The following ACSF2 variants were observed in gnomAD, a reference collection of about 807,000 sequenced individuals.
ACSF2 encodes acyl-CoA synthetase family member 2, also known as medium-chain acyl-CoA ligase ACSF2, mitochondrial.
Under a neutral mutation model 79.3 loss-of-function variants are expected in ACSF2, and 52 were observed. That is an observed-to-expected ratio of 0.66 (90% CI 0.53 to 0.83). The LOEUF (loss-of-function observed/expected upper bound fraction) is 0.83, where lower values mean the gene tolerates loss of function less well. ACSF2 is among the 40% of genes least tolerant of loss of function. The pLI, the probability that ACSF2 is intolerant of heterozygous loss-of-function variation, is 0.00. For synonymous variants in ACSF2, 283 were observed against 312.6 expected, an observed-to-expected ratio of 0.91 and a Z score of 1.00; for missense variants, 661 against 803.3, an observed-to-expected ratio of 0.82 and a Z score of 2.14.
intron 1 of ACSF2, among the ~76,000 whole-genome samples, chr17:50,435,007 A>G (rs1274755480): frequency 6.6e-6 from 1 of 152,068 alleles, no homozygotes; most frequent in East Asian, 1.9e-4. Flanking sequence ...AGTAGCTGGG[A>G]TTACCCGCAT....
intron 1 of ACSF2, 122 bp downstream of exon 1, chr17:50,426,511 C>T: frequency 8.6e-7 from 1 of 1,162,054 alleles, no homozygotes; most frequent in Non-Finnish European, 1.1e-6. Flanking sequence ...GGTACCCGCC[C>T]CTCCCCCGCC....
chr17:50,457,594 C>T (rs2032089967), intron 1 of ACSF2, among the ~76,000 whole-genome samples: 1 of 151,916 alleles, frequency 6.6e-6, no homozygotes. Context: ...GGAAAGAAAC[C>T]CCACTTCTGT....
At chr17:50,435,424 T>G (rs971843477) in intron 1 of ACSF2, among the ~76,000 whole-genome samples, 2 of 152,092 alleles carry the variant, frequency 1.3e-5, no homozygotes, top group Non-Finnish European at 2.9e-5. Context: ...TTTTTTTTAA[T>G]TTTTTGAGAA....
At chr17:50,444,636 A>AACACACACACACAC (rs72392656) in intron 1 of ACSF2, among the ~76,000 whole-genome samples, 6 of 148,078 alleles carry the variant, frequency 4.1e-5, no homozygotes, top group African/African-American at 1.5e-4. Context: ...TCTCTCTGCA[A>AACACACACACACAC]ACACACACAC....
intron 1 of ACSF2, among the ~76,000 whole-genome samples, chr17:50,451,741 C>T (rs758623945): frequency 3.0e-4 from 46 of 152,336 alleles, no homozygotes; most frequent in African/African-American, 4.1e-4. Context: ...TGAGCCACCG[C>T]GCCCAGCCCT....
At chr17:50,462,732 T>TATC (rs1226341154) in intron 6 of ACSF2, 147 bp downstream of exon 6, 1 of 914,812 alleles carries the variant, frequency 1.1e-6, no homozygotes, top group African/African-American at 1.7e-5. Flanking sequence ...CCCTGGAAAA[T>TATC]ATCAGCACCT....
Position 50,463,028 on chromosome 17 carries a change from A to C in ACSF2, c.793-128A>C. 1 of 779,102 alleles carries C rather than the reference A, an allele frequency of 1.3e-6. No individual in the cohort carries two copies. The highest frequency in any genetic ancestry group is 2.4e-5 in the East Asian group (1 of 40,972). 48.3% of individuals were successfully genotyped at this position (779,102 alleles called of 1,614,324 possible). On this transcript the variant is annotated intron_variant, in intron 6 of 15. Coordinates refer to ENST00000300441, the MANE Select transcript of ACSF2 (RefSeq NM_025149.6). The surrounding 1 kb of genome is among the most constrained non-coding windows in gnomAD (Gnocchi z 4.6). Reference sequence around the variant, plus strand: ...ATCGTGGTAGACCTTTTGCAAATATACTGAACAGATGGATCTGGGGCAACA... The same window carrying C: ...ATCGTGGTAGACCTTTTGCAAATATCCTGAACAGATGGATCTGGGGCAACA...
intron 10 of ACSF2, among the ~76,000 whole-genome samples, chr17:50,466,809 CCCTGCCCCAAA>C (rs1445269325): frequency 6.6e-6 from 1 of 152,226 alleles, no homozygotes; most frequent in Admixed American, 6.5e-5. Context: ...GTCTGGCCTC[CCCTGCCCCAAA>C]CCAGCCCCTA....
chr17:50,458,624 C>T (rs1300588591), intron 1 of ACSF2, among the ~76,000 whole-genome samples: 1 of 152,334 alleles, frequency 6.6e-6, no homozygotes, highest in Admixed American at 6.5e-5. Flanking sequence ...TCCTGTCTTT[C>T]CCACCAGACC....
At chr17:50,432,904 C>G (rs1054597935) in intron 1 of ACSF2, among the ~76,000 whole-genome samples, 3 of 152,114 alleles carry the variant, frequency 2.0e-5, no homozygotes, top group Non-Finnish European at 1.5e-5. Flanking sequence ...GGAGTTTGAG[C>G]CTGATCCCTA....
In ACSF2 at chr17:50,458,003, G is replaced by C. The variant is rs372609979; in HGVS notation, c.129-2674G>C. ...ATGAGTAGGCATTGCAGGGGCCCAG[G>C]AATTTGCATTCTTTGTGAGATCCTG... On this transcript the variant is annotated intron_variant, in intron 1 of 15. Transcript: ENST00000300441. Among the ~76,000 whole-genome samples the C allele has an allele frequency of 2.6e-3, 394 of 152,276 alleles. 1 individual carries two copies. The highest frequency in any genetic ancestry group is 9.2e-3 in the African/African-American group (383 of 41,542).
At position 50,441,026 on chromosome 17, in the gene ACSF2, G is replaced by A. The variant is rs555206768; in HGVS notation, c.128+14637G>A. On this transcript the variant is annotated intron_variant, in intron 1 of 15. Transcript: ENST00000300441. ...CCCCATGGACTGGAGGCACTCAGACGGCTCCCCGTCAGCCTGCAGGGCCCC... is the reference window on the plus strand; with the variant it reads ...CCCCATGGACTGGAGGCACTCAGACAGCTCCCCGTCAGCCTGCAGGGCCCC... Among the ~76,000 whole-genome samples, 19 of 152,372 alleles carry A rather than the reference G, an allele frequency of 1.2e-4. No individual in the cohort carries two copies. In the South Asian group the frequency reaches 3.7e-3, roughly 30 times the overall value.
At chr17:50,468,818 G>C (rs2032933715) in intron 10 of ACSF2, 1 of 1,514,836 alleles carries the variant, frequency 6.6e-7, no homozygotes, top group Admixed American at 2.1e-5. Context: ...GACCATGGCT[G>C]GGACGCCTGG....
chr17:50,426,374 G>T lies in ACSF2; in HGVS notation c.113G>T (p.Gly38Val). 7.2e-7 allele frequency: 1 copy of T among 1,390,454 alleles called. No individual in the cohort carries two copies. Among genetic ancestry groups the T allele is most frequent in the East Asian group, 2.9e-5 (1 of 35,074 alleles). The allele number at this position is 1,390,454 out of a possible 1,614,324, so 86.1% of individuals were successfully genotyped here. The change falls in exon 1 of 16, where the codon GGT (glycine) becomes GTT (valine). Residue 38 changes from glycine (G) to valine (V), a missense_variant. By Grantham distance (109) the Gly-to-Val change is moderately radical. Transcript: ENST00000300441. ...SRSWQEARLQ[G>V]VRFLSSREVD... ...AGTTGGCAGGAAGCCAGGTTGCAGGGTGTCCGCTTCCTCAGGTACTGGCCC... is the reference window on the plus strand; with the variant it reads ...AGTTGGCAGGAAGCCAGGTTGCAGGTTGTCCGCTTCCTCAGGTACTGGCCC...
At chr17:50,455,531 C>T (rs1237416757) in intron 1 of ACSF2, among the ~76,000 whole-genome samples, 1 of 152,136 alleles carries the variant, frequency 6.6e-6, no homozygotes, top group Non-Finnish European at 1.5e-5. Context: ...GGTACAGATA[C>T]CTCCCAGAAA....
chr17:50,461,876 C>G (rs899876667), intron 4 of ACSF2, among the ~76,000 whole-genome samples, 190 bp downstream of exon 4: 2 of 151,796 alleles, frequency 1.3e-5, no homozygotes, highest in African/African-American at 4.9e-5. Flanking sequence ...TGGTCAGACA[C>G]AAACCTGGCG....
At chr17:50,467,622 C>T (rs2032821169) in intron 10 of ACSF2, among the ~76,000 whole-genome samples, 3 of 152,140 alleles carry the variant, frequency 2.0e-5, no homozygotes, top group South Asian at 2.1e-4. Context: ...CTGCCCAGCT[C>T]CTCTGGAAGG....
In ACSF2 at chr17:50,463,743, T is replaced by A; in HGVS notation, c.1047-75T>A. The stretch of plus-strand genomic sequence containing the variant: ...TCCTGCCTATTCCCTTTGCTGCAGT[T>A]TCATGGCGGGGTGGGTGAGAACAGG... On this transcript the variant is annotated intron_variant, in intron 8 of 15. Transcript: ENST00000300441. The surrounding 1 kb of genome is among the most constrained non-coding windows in gnomAD (Gnocchi z 4.6). The A allele has an allele frequency of 6.5e-7, 1 of 1,529,178 alleles. No individual in the cohort carries two copies. The allele number at this position is 1,529,178 out of a possible 1,614,324, so 94.7% of individuals were successfully genotyped here.
At chr17:50,426,964 C>T in intron 1 of ACSF2, 1 of 1,535,754 alleles carries the variant, frequency 6.5e-7, no homozygotes, top group Non-Finnish European at 8.7e-7. Context: ...AGCTTCACTG[C>T]CTCTGCAGCA....
Sources: gnomAD v4.1 joint callset for allele counts (sites outside exome capture counted in the v4.1 genomes callset) on GRCh38, gnomAD v4.1.1 for gene constraint, Gnocchi (gnomAD v3.1) non-coding constraint, MANE v1.5 for transcripts, NCBI Gene and HGNC (gene_info 2026-07-23, HGNC 2026-07-21) for gene names.